The following SGIP1 variants were observed in gnomAD, a reference collection of about 807,000 sequenced individuals.
SGIP1 encodes the protein SH3-containing GRB2-like protein 3-interacting protein 1.
SGIP1 carries 38 observed loss-of-function variants against 107.5 expected under a neutral mutation model. That is an observed-to-expected ratio of 0.35 (90% confidence interval 0.27 to 0.46). The LOEUF is 0.46. Ranked by LOEUF, SGIP1 falls within the 20% of genes least tolerant of loss-of-function variation. SGIP1 has a pLI of 1.00. For synonymous variants in SGIP1, 365 were observed against 366.1 expected (o/e 1.00, Z 0.03); for missense variants, 929 against 1,019.5 (o/e 0.91, Z 1.21).
chr1:66,716,538 T>C (rs1413683393), intron 18 of SGIP1, among the ~76,000 whole-genome samples: 2 of 152,122 alleles, frequency 1.3e-5, no homozygotes, highest in Non-Finnish European at 2.9e-5. Context: ...TCTATCAAAC[T>C]GTAAAATGAA....
chr1:66,551,297 C>T (rs974205317), intron 1 of SGIP1, among the ~76,000 whole-genome samples: 3 of 152,120 alleles, frequency 2.0e-5, no homozygotes, highest in African/African-American at 7.2e-5. Flanking sequence ...CCATTTTCAG[C>T]ACTTAAAGCA....
intron 1 of SGIP1, among the ~76,000 whole-genome samples, chr1:66,624,054 C>T (rs982796211): frequency 6.6e-6 from 1 of 152,170 alleles, no homozygotes; most frequent in African/African-American, 2.4e-5. Flanking sequence ...GTAAGGCATG[C>T]TATTTTTTAT....
chr1:66,679,605 T>C lies in SGIP1; in HGVS notation c.740-73T>C, dbSNP rs141225612. 271 of 1,473,430 alleles carry C rather than the reference T, an allele frequency of 1.8e-4. 1 individual carries two copies. The African/African-American group carries it at 3.5e-3, about 19-fold the overall frequency. 91.3% of individuals were successfully genotyped at this position (1,473,430 alleles called of 1,614,324 possible). ...GGAATATAACTGAAAGCCCAAATCC[T>C]GCTTATTTAAAGTGTATTGTATGAC... On this transcript the variant is annotated intron_variant, in intron 13 of 24. Transcript: ENST00000371037.
intron 7 of SGIP1, among the ~76,000 whole-genome samples, chr1:66,646,445 A>G (rs1259072499): frequency 6.6e-6 from 1 of 152,252 alleles, no homozygotes; most frequent in Non-Finnish European, 1.5e-5. Context: ...ATTATTCATA[A>G]CAATGGTTTA....
At chr1:66,661,451 A>G (rs1344849917) in intron 8 of SGIP1, among the ~76,000 whole-genome samples, 4 of 152,208 alleles carry the variant, frequency 2.6e-5, no homozygotes, top group Non-Finnish European at 4.4e-5. Context: ...AAGCTATAGG[A>G]TAGGAGGGAG....
chr1:66,567,254 C>T (rs1353210002), intron 1 of SGIP1, among the ~76,000 whole-genome samples: 2 of 152,084 alleles, frequency 1.3e-5, no homozygotes, highest in East Asian at 1.9e-4. Context: ...TCTCTAATGA[C>T]CAGTGATGAT....
Position 66,746,925 on chromosome 1 carries a change from A to G in SGIP1, c.*3830A>G, listed in dbSNP as rs2094560284. 1 of 152,150 alleles carries G rather than the reference A, an allele frequency of 6.6e-6. No individual in the cohort carries two copies. Among genetic ancestry groups the G allele is most frequent in the Admixed American group, 6.5e-5 (1 of 15,268 alleles). The allele number at this position is 152,150 out of a possible 1,614,324, so 9.4% of individuals were successfully genotyped here. On this transcript the variant is annotated 3_prime_UTR_variant, in exon 25 of 25. Coordinates refer to ENST00000371037, the MANE Select transcript of SGIP1 (RefSeq NM_032291.4). ...CAAAATATGATTGGTATCATCACTT[A>G]TTAATGTTTTGTATCATCACTTATT...
rs1205062666 is a variant in SGIP1 at position 66,744,384 on chromosome 1, C to CA, written c.*1290dup. 6.6e-6 allele frequency: 1 copy of CA among 152,080 alleles called. No homozygotes were observed. The highest frequency in any genetic ancestry group is 2.4e-5 in the African/African-American group (1 of 41,432). The allele number at this position is 152,080 out of a possible 1,614,324, so 9.4% of individuals were successfully genotyped here. Reference sequence around the variant, plus strand: ...CTGTAATTATTCAATCTGGCCCTGCCATATGAACATTTAGAAAGACAAACT... The same window carrying CA: ...CTGTAATTATTCAATCTGGCCCTGCCAATATGAACATTTAGAAAGACAAACT... On this transcript the variant is annotated 3_prime_UTR_variant, in exon 25 of 25. Transcript: ENST00000371037.
chr1:66,734,231 T>G (rs1013131792), intron 21 of SGIP1, among the ~76,000 whole-genome samples: 4 of 152,136 alleles, frequency 2.6e-5, no homozygotes, highest in Non-Finnish European at 5.9e-5. Flanking sequence ...CTAAAACCTC[T>G]TATTTTAAAT....
rs183052717 is a variant in SGIP1, at chr1:66,580,103, C to T, written c.10+45735C>T. Reference sequence around the variant, plus strand: ...TTTTAGCCCCATTTCTATGAGTTACCTACATGACAAGCAGGGTGACCCTTT... The same window carrying T: ...TTTTAGCCCCATTTCTATGAGTTACTTACATGACAAGCAGGGTGACCCTTT... On this transcript the variant is annotated intron_variant, in intron 1 of 24. Transcript: ENST00000371037. Among the ~76,000 whole-genome samples, 27 of 152,160 alleles carry T rather than the reference C, an allele frequency of 1.8e-4. No homozygotes were observed. In the East Asian group the frequency reaches 4.4e-3, roughly 25 times the overall value.
chr1:66,565,276 A>T (rs1249958362), intron 1 of SGIP1, among the ~76,000 whole-genome samples: 2 of 152,046 alleles, frequency 1.3e-5, no homozygotes, highest in African/African-American at 4.8e-5. Flanking sequence ...CTAATTCTGA[A>T]ATAATTTATC....
intron 22 of SGIP1, among the ~76,000 whole-genome samples, chr1:66,740,056 A>G (rs1364307479): frequency 1.3e-5 from 2 of 152,226 alleles, no homozygotes; most frequent in African/African-American, 4.8e-5. Flanking sequence ...TCTGTCTTCT[A>G]AATCTCAAAC....
At chr1:66,655,117 C>T (rs2079483622) in intron 7 of SGIP1, among the ~76,000 whole-genome samples, 1 of 152,038 alleles carries the variant, frequency 6.6e-6, no homozygotes, top group Non-Finnish European at 1.5e-5. Flanking sequence ...ATGTCCACAC[C>T]TCAGAACTCC....
chr1:66,580,716 T>G (rs902916999), intron 1 of SGIP1, among the ~76,000 whole-genome samples: 25 of 152,166 alleles, frequency 1.6e-4, no homozygotes, highest in African/African-American at 6.0e-4. Flanking sequence ...CTTAATTATT[T>G]TTATCTTCAA....
intron 20 of SGIP1, among the ~76,000 whole-genome samples, chr1:66,730,666 A>T (rs1342762125): frequency 6.6e-6 from 1 of 152,022 alleles, no homozygotes; most frequent in African/African-American, 2.4e-5. Context: ...TTCGCATTAC[A>T]CCTGTCCCAG....
Position 66,681,991 on chromosome 1 carries a change from G to T in SGIP1, c.937G>T (p.Val313Phe), listed in dbSNP as rs889362365. 17 of 1,614,150 alleles carry T rather than the reference G, an allele frequency of 1.1e-5. No homozygotes were observed. The highest frequency in any genetic ancestry group is 3.3e-4 in the Middle Eastern group (2 of 6,062). ...TGCTGTTAATGCTGAAGAAAAGTGGGTCCATTTTTCTGATACATCCCCGGA... is the reference window on the plus strand; with the variant it reads ...TGCTGTTAATGCTGAAGAAAAGTGGTTCCATTTTTCTGATACATCCCCGGA... The part of the protein sequence containing the change: ...SVAVNAEEKW[V>F]HFSDTSPEHV... The change falls in exon 15 of 25, where the codon GTC (valine) becomes TTC (phenylalanine). Residue 313 changes from valine to phenylalanine, a missense_variant. Physicochemically the swap from Val to Phe is conservative, Grantham distance 50 (BLOSUM62 -1). Coordinates refer to ENST00000371037, the MANE Select transcript of SGIP1 (RefSeq NM_032291.4).
intron 14 of SGIP1, among the ~76,000 whole-genome samples, chr1:66,680,442 G>A (rs1325869351): frequency 6.6e-6 from 1 of 152,188 alleles, no homozygotes; most frequent in African/African-American, 2.4e-5. Flanking sequence ...CCCTTAGAAT[G>A]TGGTTCTTTA....
intron 19 of SGIP1, 72 bp downstream of exon 19, chr1:66,719,477 C>A: frequency 8.5e-7 from 1 of 1,182,254 alleles, no homozygotes; most frequent in South Asian, 2.0e-5. Context: ...CTAAATACAA[C>A]CTTTTCATTT....
chr1:66,673,500 A>C, intron 12 of SGIP1, 134 bp downstream of exon 12: 1 of 781,798 alleles, frequency 1.3e-6, no homozygotes, highest in African/African-American at 1.8e-5. Context: ...GTTTCAATCT[A>C]GGTGTGCTGT....
Sources: gnomAD v4.1 joint callset for allele counts (sites outside exome capture counted in the v4.1 genomes callset) on GRCh38, gnomAD v4.1.1 for gene constraint, MANE v1.5 for transcripts, NCBI Gene and HGNC (gene_info 2026-07-23, HGNC 2026-07-21) for gene names.